Variants in SOHLH2 observed in about 807,000 individuals in gnomAD.
SOHLH2 encodes spermatogenesis and oogenesis specific basic helix-loop-helix 2.
In SOHLH2, 22 loss-of-function variants were observed where a neutral mutation model predicts 50.4. That is an observed-to-expected ratio of 0.44 (90% CI 0.31 to 0.62). SOHLH2 has a LOEUF of 0.62. Among genes scored for constraint, SOHLH2 ranks in the 20% least tolerant of loss-of-function variants. The probability of loss-of-function intolerance (pLI) is 0.08; values close to 1 mark genes in which losing one functional copy is unlikely to be tolerated. For synonymous variants in SOHLH2, 185 were observed against 187.3 expected, an observed-to-expected ratio of 0.99 and a Z score of 0.10; for missense variants, 412 against 504.4, an observed-to-expected ratio of 0.82 and a Z score of 1.76.
At chr13:36,187,026 G>A (rs1276333520) in intron 6 of SOHLH2, among the ~76,000 whole-genome samples, 1 of 152,122 alleles carries the variant, frequency 6.6e-6, no homozygotes, top group Non-Finnish European at 1.5e-5. Flanking sequence ...AATCAGGGAT[G>A]GTGTTTACCT....
intron 1 of SOHLH2, among the ~76,000 whole-genome samples, chr13:36,202,985 G>T (rs1460005461): frequency 1.3e-5 from 2 of 152,208 alleles, no homozygotes; most frequent in Non-Finnish European, 2.9e-5. Flanking sequence ...CCTGAGGGTT[G>T]CAAGAAAGAA....
At chr13:36,196,093 CAGAA>C (rs1436324802) in intron 2 of SOHLH2, among the ~76,000 whole-genome samples, 2 of 109,160 alleles carry the variant, frequency 1.8e-5, no homozygotes. Context: ...TTTAGACAGA[CAGAA>C]AGATAGATAG....
chr13:36,174,838 G>A lies in SOHLH2; in HGVS notation c.673C>T (p.Arg225Cys). 1 of 1,593,622 alleles carries A rather than the reference G, an allele frequency of 6.3e-7. No homozygotes were observed. Among genetic ancestry groups the A allele is most frequent in the Non-Finnish European group, 8.5e-7 (1 of 1,174,474 alleles). ...CCTTTTACATACGGCAAGAGAGTAC[G>A]CAGCTGCTCACAGCAATATTTGATT... ...ERIKYCCEQL[R>C]TLLPYVKGRK... is the part of the protein sequence containing the mutation. The change falls in exon 7 of 11, where the codon CGT (arginine) becomes TGT (cysteine). Residue 225 changes from arginine to cysteine, a missense_variant. Transcript: ENST00000379881.
intron 1 of SOHLH2, among the ~76,000 whole-genome samples, chr13:36,210,266 C>T (rs1869033823): frequency 6.6e-6 from 1 of 152,200 alleles, no homozygotes; most frequent in African/African-American, 2.4e-5. Context: ...ACCAGGTGAG[C>T]ACCCTTTGGG....
intron 1 of SOHLH2, among the ~76,000 whole-genome samples, chr13:36,204,032 C>A (rs552536763): frequency 4.2e-4 from 63 of 148,764 alleles, no homozygotes; most frequent in African/African-American, 1.5e-3. Context: ...CTCACTGTAA[C>A]CTCTGCCTCC....
chr13:36,214,331 G>C lies in SOHLH2; in HGVS notation c.48+148C>G, dbSNP rs1034599620. ...CCGGGGGAGAGTGGACTCGCGTCCT[G>C]GAAGGGGCCCTTCCTGCTATTCGCT... On this transcript the variant is annotated intron_variant, in intron 1 of 10. Coordinates refer to ENST00000379881, the MANE Select transcript of SOHLH2 (RefSeq NM_017826.3). The C allele has an allele frequency of 4.8e-5, 48 of 1,007,834 alleles. 1 individual carries two copies. In the South Asian group the frequency reaches 6.9e-4, roughly 15 times the overall value. 62.4% of individuals were successfully genotyped at this position (1,007,834 alleles called of 1,614,324 possible).
intron 6 of SOHLH2, among the ~76,000 whole-genome samples, chr13:36,178,869 T>C (rs896482281): frequency 5.3e-5 from 8 of 151,720 alleles, no homozygotes; most frequent in African/African-American, 1.7e-4. Flanking sequence ...AGCTATTTTA[T>C]TCTACTTTAA....
chr13:36,208,292 C>T (rs1323598333), intron 1 of SOHLH2, among the ~76,000 whole-genome samples: 1 of 152,080 alleles, frequency 6.6e-6, no homozygotes, highest in African/African-American at 2.4e-5. Context: ...ATTTGGAAAT[C>T]TTATGTAAGG....
At chr13:36,211,819 A>C (rs1457801539) in intron 1 of SOHLH2, among the ~76,000 whole-genome samples, 1 of 152,260 alleles carries the variant, frequency 6.6e-6, no homozygotes, top group Non-Finnish European at 1.5e-5. Flanking sequence ...CAAAGAACAC[A>C]GAAAACGTCA....
intron 6 of SOHLH2, 130 bp downstream of exon 6, chr13:36,189,816 G>A: frequency 1.2e-6 from 1 of 835,796 alleles, no homozygotes; most frequent in Non-Finnish European, 1.8e-6. Flanking sequence ...GAATGAGTGA[G>A]TGGCATCTAT....
Position 36,173,789 on chromosome 13 carries a change from A to G in SOHLH2, c.903T>C (p.Thr301=). The change falls in exon 9 of 11, where the codon ACT becomes ACC. Residue 301 remains threonine (T), a synonymous_variant. Coordinates refer to ENST00000379881, the MANE Select transcript of SOHLH2 (RefSeq NM_017826.3). ...ATTGGAGCCCTCTCTCAGGGGAGTA[A>G]GTGCTCATCACACTGTTTTCCCTTG... ...MAQRENSVMS[T]YSPERGLQFL... 6.2e-7 allele frequency: 1 copy of G among 1,614,010 alleles called. No homozygotes were observed. The highest frequency in any genetic ancestry group is 8.5e-7 in the Non-Finnish European group (1 of 1,179,966).
At chr13:36,173,950 AG>A (rs1887032685) in intron 8 of SOHLH2, 140 bp from the exon 9 acceptor site, 1 of 955,638 alleles carries the variant, frequency 1.0e-6, no homozygotes, top group African/African-American at 1.6e-5. Context: ...ATATGAGCAA[AG>A]ACACATGACC....
chr13:36,168,838 T>C lies in SOHLH2; in HGVS notation c.*196A>G. ...GTGTGTATGAAGATGAGTGACAGTG[T>C]GTGGCCAGCTTTTTCGCTGCTGGTC... On this transcript the variant is annotated 3_prime_UTR_variant, in exon 11 of 11. Coordinates refer to ENST00000379881, the MANE Select transcript of SOHLH2 (RefSeq NM_017826.3). 3.5e-6 allele frequency: 3 copies of C among 861,108 alleles called. No individual in the cohort carries two copies. Among genetic ancestry groups the C allele is most frequent in the Non-Finnish European group, 4.9e-6 (3 of 607,496 alleles). 53.3% of individuals were successfully genotyped at this position (861,108 alleles called of 1,614,324 possible).
intron 10 of SOHLH2, among the ~76,000 whole-genome samples, chr13:36,169,383 A>T (rs570341508): frequency 3.3e-5 from 5 of 152,264 alleles, no homozygotes; most frequent in African/African-American, 1.2e-4. Context: ...TGTAGACACT[A>T]CATATTTTAA....
chr13:36,172,842 G>A (rs1416657554), intron 9 of SOHLH2, among the ~76,000 whole-genome samples: 1 of 152,162 alleles, frequency 6.6e-6, no homozygotes, highest in Non-Finnish European at 1.5e-5. Flanking sequence ...AGGACTGAGA[G>A]GCTGAGGAGA....
chr13:36,190,836 AAGATT>A (rs1887552269), intron 5 of SOHLH2, among the ~76,000 whole-genome samples: 1 of 152,210 alleles, frequency 6.6e-6, no homozygotes, highest in South Asian at 2.1e-4. Flanking sequence ...AAGCCTCTTT[AAGATT>A]AAAATGTTAA....
At chr13:36,214,348 C>T (rs1566049941) in intron 1 of SOHLH2, 131 bp downstream of exon 1, 2 of 1,134,566 alleles carry the variant, frequency 1.8e-6, no homozygotes, top group Non-Finnish European at 2.5e-6. Flanking sequence ...GCCCTTCCTG[C>T]TATTCGCTCC....
Position 36,171,713 on chromosome 13 carries a change from T to C in SOHLH2, c.1001-926A>G, listed in dbSNP as rs572941054. On this transcript the variant is annotated intron_variant, in intron 9 of 10. Transcript: ENST00000379881. ...ATATGGGAAAATATTTCCTATCATA[T>C]GATGTAAAAAATCACTCTCTCCCCA... is the stretch of plus-strand genomic sequence containing the variant. Among the ~76,000 whole-genome samples, 13 of 152,352 alleles carry C rather than the reference T, an allele frequency of 8.5e-5. No individual in the cohort carries two copies. In the South Asian group the frequency reaches 2.5e-3, roughly 29 times the overall value.
intron 1 of SOHLH2, among the ~76,000 whole-genome samples, chr13:36,208,784 A>G (rs1748380699): frequency 6.6e-6 from 1 of 152,156 alleles, no homozygotes; most frequent in Non-Finnish European, 1.5e-5. Context: ...GAGTCCTACC[A>G]AGTCTGAAAA....
Sources: allele counts gnomAD v4.1 joint callset (sites outside exome capture counted in the v4.1 genomes callset), GRCh38; gene constraint gnomAD v4.1.1; transcripts MANE v1.5; gene names NCBI Gene and HGNC (gene_info 2026-07-23, HGNC 2026-07-21).